Variants in DSCAM observed in about 807,000 individuals in gnomAD.
The protein encoded by DSCAM is cell adhesion molecule DSCAM.
DSCAM carries 47 observed loss-of-function variants against 217.7 expected under a neutral mutation model. The ratio of observed to expected loss-of-function variants is 0.22; its 90% CI spans 0.17 to 0.28. DSCAM has a LOEUF of 0.28. Among genes scored for constraint, DSCAM ranks in the 10% least tolerant of loss-of-function variants. DSCAM has a pLI of 1.00. For synonymous variants in DSCAM, 1,056 were observed against 1,015.3 expected, an observed-to-expected ratio of 1.04 and a Z score of -0.76; for missense variants, 2,080 against 2,618.3, an observed-to-expected ratio of 0.79 and a Z score of 4.49.
intron 8 of DSCAM, among the ~76,000 whole-genome samples, chr21:40,334,382 C>A (rs1200650275): frequency 2.0e-5 from 3 of 152,196 alleles, no homozygotes; most frequent in Admixed American, 6.5e-5. Flanking sequence ...GCCATTCTTC[C>A]TGATATTCAG....
chr21:40,687,762 C>A (rs2146440471), intron 3 of DSCAM, among the ~76,000 whole-genome samples: 1 of 152,336 alleles, frequency 6.6e-6, no homozygotes, highest in East Asian at 1.9e-4. Context: ...TAGCTACAGC[C>A]TCAGGCCCTA....
intron 15 of DSCAM, among the ~76,000 whole-genome samples, chr21:40,174,057 T>C (rs2090690544): frequency 6.6e-6 from 1 of 152,194 alleles, no homozygotes. Context: ...GTGAATGTCA[T>C]GTGTCACGTG....
chr21:40,702,191 CT>C (rs2090663854), intron 2 of DSCAM, among the ~76,000 whole-genome samples: 1 of 152,070 alleles, frequency 6.6e-6, no homozygotes. Flanking sequence ...TGCTTTAGCT[CT>C]GAGCACAGGG....
intron 3 of DSCAM, among the ~76,000 whole-genome samples, chr21:40,552,950 T>C (rs1429401271): frequency 1.6e-5 from 2 of 123,546 alleles, no homozygotes; most frequent in Non-Finnish European, 3.5e-5. Flanking sequence ...ACAGCTCATG[T>C]GGAAACAGCT....
chr21:40,227,234 C>T (rs1465216543), intron 11 of DSCAM, among the ~76,000 whole-genome samples: 2 of 152,162 alleles, frequency 1.3e-5, no homozygotes, highest in Admixed American at 6.6e-5. Context: ...CATTCTGAAG[C>T]CACATTCCTG....
intron 3 of DSCAM, among the ~76,000 whole-genome samples, chr21:40,584,859 C>T (rs2076932218): frequency 6.6e-6 from 1 of 152,074 alleles, no homozygotes; most frequent in African/African-American, 2.4e-5. Context: ...GAAGTGTGAC[C>T]CTCAGTGTTG....
At chr21:40,415,414 T>C (rs16999740) in intron 3 of DSCAM, among the ~76,000 whole-genome samples, 16,664 of 152,216 alleles carry the variant, frequency 0.11, 1,770 homozygotes, top group African/African-American at 0.28. Context: ...TATACTGAGT[T>C]ATAGATGTAT....
chr21:40,192,962 T>C (rs1314565961), intron 11 of DSCAM, among the ~76,000 whole-genome samples: 3 of 152,228 alleles, frequency 2.0e-5, no homozygotes. Context: ...TACTGGGTTA[T>C]ATGGCAATTT....
intron 3 of DSCAM, among the ~76,000 whole-genome samples, chr21:40,492,139 A>G (rs1054499613): frequency 2.3e-5 from 3 of 130,638 alleles, no homozygotes; most frequent in Non-Finnish European, 4.8e-5. Context: ...ATTGCTTTAG[A>G]AAAAAAAAAT....
At chr21:40,232,076 T>A (rs1173407740) in intron 11 of DSCAM, among the ~76,000 whole-genome samples, 3 of 148,580 alleles carry the variant, frequency 2.0e-5, no homozygotes, top group Non-Finnish European at 4.5e-5. Context: ...AATATAGTAA[T>A]TTTTTTTGGA....
chr21:40,836,697 T>C (rs553721130), intron 1 of DSCAM, among the ~76,000 whole-genome samples: 2 of 152,306 alleles, frequency 1.3e-5, no homozygotes, highest in Admixed American at 1.3e-4. Flanking sequence ...ATGGTTCATG[T>C]GGATCAGAAC....
chr21:40,709,178 T>C (rs1352740431), intron 1 of DSCAM, among the ~76,000 whole-genome samples: 1 of 152,176 alleles, frequency 6.6e-6, no homozygotes, highest in African/African-American at 2.4e-5. Context: ...ACCTGGAGCA[T>C]AGAGCCCAGC....
intron 29 of DSCAM, among the ~76,000 whole-genome samples, chr21:40,053,623 A>T (rs1458634436): frequency 6.6e-6 from 1 of 152,226 alleles, no homozygotes; most frequent in African/African-American, 2.4e-5. Context: ...CAGAGCCCAG[A>T]GCATTTTGAA....
chr21:40,118,207 G>C (rs1260998596), intron 20 of DSCAM, among the ~76,000 whole-genome samples: 1 of 152,174 alleles, frequency 6.6e-6, no homozygotes, highest in Non-Finnish European at 1.5e-5. Context: ...AATTGTGACA[G>C]GGATGTGGAC....
intron 2 of DSCAM, among the ~76,000 whole-genome samples, chr21:40,700,806 G>T (rs2090648276): frequency 6.8e-6 from 1 of 146,436 alleles, no homozygotes; most frequent in African/African-American, 2.5e-5. Context: ...GCACAATCTT[G>T]GCTTACTGTA....
At chr21:40,097,724 G>A (rs549014139) in intron 20 of DSCAM, among the ~76,000 whole-genome samples, 52 of 151,868 alleles carry the variant, frequency 3.4e-4, no homozygotes, top group Non-Finnish European at 6.3e-4. Flanking sequence ...GGTGGATCAC[G>A]AGGTCAGGAG....
chr21:40,640,596 A>T (rs943232811), intron 3 of DSCAM, among the ~76,000 whole-genome samples: 6 of 151,972 alleles, frequency 3.9e-5, no homozygotes, highest in African/African-American at 1.5e-4. Context: ...TGATGTGTGT[A>T]TAAGTGAGAG....
intron 1 of DSCAM, among the ~76,000 whole-genome samples, chr21:40,767,504 G>A (rs1327300641): frequency 6.6e-6 from 1 of 152,156 alleles, no homozygotes; most frequent in Non-Finnish European, 1.5e-5. Flanking sequence ...TGAGAAAGTT[G>A]ACCTTTAGGA....
chr21:40,768,886 G>T (rs996060729), intron 1 of DSCAM, among the ~76,000 whole-genome samples: 1 of 152,212 alleles, frequency 6.6e-6, no homozygotes, highest in South Asian at 2.1e-4. Flanking sequence ...AAAAAACAAG[G>T]CATTTTCTTT....
Sources: allele counts gnomAD v4.1 joint callset (sites outside exome capture counted in the v4.1 genomes callset), GRCh38; gene constraint gnomAD v4.1.1; transcripts MANE v1.5; gene names NCBI Gene and HGNC (gene_info 2026-07-23, HGNC 2026-07-21).